Variants in FGF13 observed in about 807,000 individuals in gnomAD.
The protein encoded by FGF13 is fibroblast growth factor homologous factor 2.
A neutral mutation model predicts 19.5 loss-of-function variants in FGF13; 2 were observed. That is an observed-to-expected ratio of 0.10 (90% CI 0.04 to 0.32). The LOEUF is 0.32. Ranked by LOEUF, FGF13 falls within the 10% of genes least tolerant of loss-of-function variation. The pLI is 1.00. For missense variants in FGF13, 113 were observed against 192.7 expected, an observed-to-expected ratio of 0.59 and a Z score of 2.45; for synonymous variants, 72 against 76.9, an observed-to-expected ratio of 0.94 and a Z score of 0.33.
At chrX:138,720,215 CATT>C (rs749527591) in intron 1 of FGF13, among the ~76,000 whole-genome samples, 1 of 112,329 alleles carries the variant, frequency 8.9e-6, no homozygotes, top group Non-Finnish European at 1.9e-5. Flanking sequence ...TTCTCATCAA[CATT>C]ATAAGGAAAC....
chrX:139,162,605 C>A (rs5976295), intron 1 of FGF13, among the ~76,000 whole-genome samples: 12,789 of 111,215 alleles, frequency 0.11, 1,190 homozygotes, highest in African/African-American at 0.32. Context: ...TGAACAGGTA[C>A]CCTACAGAAT....
intron 1 of FGF13, among the ~76,000 whole-genome samples, chrX:139,130,457 G>T (rs991667692): frequency 6.3e-5 from 7 of 111,805 alleles, no homozygotes; most frequent in Admixed American, 1.9e-4. Flanking sequence ...GTGTTAATTT[G>T]CTTTGAATTA....
At chrX:138,900,104 C>T (rs2091524393) in intron 1 of FGF13, among the ~76,000 whole-genome samples, 1 of 111,306 alleles carries the variant, frequency 9.0e-6, no homozygotes, top group Non-Finnish European at 1.9e-5. Flanking sequence ...GTAAGTCAGT[C>T]AGGTTCTTTT....
intron 1 of FGF13, among the ~76,000 whole-genome samples, chrX:138,734,698 G>C (rs750005217): frequency 1.8e-5 from 2 of 111,739 alleles, no homozygotes; most frequent in South Asian, 7.5e-4. Flanking sequence ...CCAGCAGAAA[G>C]CATCTTTCCT....
chrX:138,778,425 T>C (rs141676333), intron 3 of FGF13, among the ~76,000 whole-genome samples: 3,586 of 110,777 alleles, frequency 0.032, 56 homozygotes, highest in Middle Eastern at 0.097. Flanking sequence ...CACTAGGGAG[T>C]GCCAGAAAGT....
At chrX:138,852,254 G>A (rs1370732921) in intron 3 of FGF13, among the ~76,000 whole-genome samples, 4 of 111,827 alleles carry the variant, frequency 3.6e-5, no homozygotes, top group African/African-American at 1.3e-4. Context: ...AGCCTGCATA[G>A]CCAAGACAAT....
intron 3 of FGF13, among the ~76,000 whole-genome samples, chrX:138,698,952 A>T (rs1357970021): frequency 8.9e-6 from 1 of 111,758 alleles, no homozygotes; most frequent in African/African-American, 3.3e-5. Flanking sequence ...TTATTTTCAT[A>T]AACAGGTAGT....
At chrX:139,034,988 A>T (rs906709542) in intron 1 of FGF13, among the ~76,000 whole-genome samples, 1 of 111,786 alleles carries the variant, frequency 8.9e-6, no homozygotes, top group Non-Finnish European at 1.9e-5. Flanking sequence ...GCTGTATCTA[A>T]TCGTTAGAAA....
At chrX:138,639,238 G>C (rs776959811) in intron 3 of FGF13, among the ~76,000 whole-genome samples, 5 of 111,959 alleles carry the variant, frequency 4.5e-5, no homozygotes, top group Admixed American at 9.5e-5. Flanking sequence ...TCCCTGTTCA[G>C]AGGAGACTAA....
At chrX:138,865,432 T>TTCTCTCTC (rs1304504230) in intron 1 of FGF13, among the ~76,000 whole-genome samples, 2 of 99,045 alleles carry the variant, frequency 2.0e-5, no homozygotes, top group Non-Finnish European at 4.1e-5. Flanking sequence ...CCTCTCTCTC[T>TTCTCTCTC]TCTCTCTCTC....
intron 1 of FGF13, among the ~76,000 whole-genome samples, chrX:139,031,021 C>A (rs2092224635): frequency 9.0e-6 from 1 of 111,435 alleles, no homozygotes; most frequent in Non-Finnish European, 1.9e-5. Flanking sequence ...ATCACAAACT[C>A]TAAGCGTACA....
At chrX:139,120,323 T>C (rs1268677275) in intron 1 of FGF13, among the ~76,000 whole-genome samples, 7 of 112,437 alleles carry the variant, frequency 6.2e-5, no homozygotes, top group Non-Finnish European at 1.3e-4. Context: ...GTTGCTCCCA[T>C]GCTGTCCCTT....
intron 3 of FGF13, among the ~76,000 whole-genome samples, chrX:138,780,171 A>C (rs1430271051): frequency 9.0e-6 from 1 of 110,686 alleles, no homozygotes; most frequent in African/African-American, 3.3e-5. Context: ...GAAGCACTAA[A>C]CATGGAAAGG....
intron 1 of FGF13, among the ~76,000 whole-genome samples, chrX:139,161,887 C>T (rs1311634651): frequency 9.0e-6 from 1 of 111,577 alleles, no homozygotes; most frequent in Non-Finnish European, 1.9e-5. Context: ...AACCACTGCT[C>T]AAGGAAATAA....
intron 3 of FGF13, among the ~76,000 whole-genome samples, chrX:138,823,307 T>C (rs2091012150): frequency 9.0e-6 from 1 of 111,131 alleles, no homozygotes. Flanking sequence ...GAGGAGTGCA[T>C]GATAGGGTGG....
intron 1 of FGF13, among the ~76,000 whole-genome samples, chrX:139,054,443 T>C (rs2092314253): frequency 9.0e-6 from 1 of 111,675 alleles, no homozygotes; most frequent in Non-Finnish European, 1.9e-5. Context: ...CCTATTTTTA[T>C]ACCAGTACCA....
At chrX:139,037,899 T>A (rs770724897) in intron 1 of FGF13, among the ~76,000 whole-genome samples, 1 of 111,772 alleles carries the variant, frequency 8.9e-6, no homozygotes, top group Non-Finnish European at 1.9e-5. Flanking sequence ...ATAGTTTGAA[T>A]TTGTCTCTCT....
intron 1 of FGF13, among the ~76,000 whole-genome samples, chrX:138,876,726 CAG>C (rs1170158048): frequency 4.5e-5 from 5 of 112,063 alleles, no homozygotes; most frequent in Non-Finnish European, 9.4e-5. Flanking sequence ...CATTCACTGG[CAG>C]AGAGTTTACT....
chrX:138,990,278 A>G (rs2092010059), intron 1 of FGF13, among the ~76,000 whole-genome samples: 1 of 110,592 alleles, frequency 9.0e-6, no homozygotes, highest in Admixed American at 9.7e-5. Flanking sequence ...AGATTTAAAA[A>G]TACAGCCCTT....
Sources: allele counts gnomAD v4.1 joint callset (sites outside exome capture counted in the v4.1 genomes callset), GRCh38; gene constraint gnomAD v4.1.1; transcripts MANE v1.5; gene names NCBI Gene and HGNC (gene_info 2026-07-23, HGNC 2026-07-21).